ST3GAL3: variants seen among roughly 807,000 people sequenced by gnomAD.
ST3GAL3 encodes CMP-N-acetylneuraminate-beta-1,4-galactoside alpha-2,3-sialyltransferase.
In ST3GAL3, 21 loss-of-function variants were observed where a neutral mutation model predicts 50.1. That is an observed-to-expected ratio of 0.42 (90% CI 0.30 to 0.60). The LOEUF is 0.60. ST3GAL3 is among the 20% of genes least tolerant of loss of function. ST3GAL3 has a pLI of 0.19. For missense variants in ST3GAL3, 353 were observed against 489.4 expected (o/e 0.72, Z 2.63); for synonymous variants, 183 against 190.0 (o/e 0.96, Z 0.30).
intron 3 of ST3GAL3, among the ~76,000 whole-genome samples, chr1:43,804,696 C>A (rs909538280): frequency 6.6e-6 from 1 of 152,134 alleles, no homozygotes; most frequent in South Asian, 2.1e-4. Context: ...CAGTTAGTTG[C>A]GCCTAAGAAG....
intron 3 of ST3GAL3, among the ~76,000 whole-genome samples, chr1:43,803,606 T>C (rs1281640981): frequency 6.6e-6 from 1 of 152,256 alleles, no homozygotes; most frequent in Non-Finnish European, 1.5e-5. Flanking sequence ...ATTCACACTT[T>C]AATGCATGGG....
At chr1:43,864,693 T>C (rs1305053053) in intron 5 of ST3GAL3, among the ~76,000 whole-genome samples, 1 of 152,160 alleles carries the variant, frequency 6.6e-6, no homozygotes, top group Non-Finnish European at 1.5e-5. Context: ...GAGGTGGGAC[T>C]GAGGAAGGTA....
intron 3 of ST3GAL3, among the ~76,000 whole-genome samples, chr1:43,796,499 G>A (rs550101131): frequency 6.6e-6 from 1 of 152,194 alleles, no homozygotes; most frequent in Non-Finnish European, 1.5e-5. Context: ...CCAAGTCCCA[G>A]ACTGGATGCA....
intron 3 of ST3GAL3, 141 bp from the exon 4 acceptor site, chr1:43,814,750 A>G: frequency 2.4e-6 from 2 of 833,008 alleles, no homozygotes. Context: ...TGGTTTATGT[A>G]TTTAGTTACG....
In ST3GAL3 at chr1:43,920,399, C is replaced by T. The variant is rs779110025; in HGVS notation, c.745-5C>T. The T allele has an allele frequency of 6.2e-7, 1 of 1,614,130 alleles. No individual in the cohort carries two copies. ...CGTTGAGGCCCGCTTTTGCTGTGTC[C>T]ACAGAGTGCATCGGATGGCTTCTGG... is the stretch of plus-strand genomic sequence containing the variant. On this transcript the variant is annotated splice_region_variant and splice_polypyrimidine_tract_variant and intron_variant, in intron 9 of 11. Coordinates refer to ENST00000347631, the MANE Select transcript of ST3GAL3 (RefSeq NM_006279.5).
intron 2 of ST3GAL3, among the ~76,000 whole-genome samples, chr1:43,788,578 A>C (rs558973692): frequency 2.6e-5 from 4 of 152,352 alleles, no homozygotes; most frequent in African/African-American, 9.6e-5. Flanking sequence ...AACTGATGGG[A>C]GTCAATACCC....
chr1:43,870,725 C>T (rs573554091), intron 5 of ST3GAL3, among the ~76,000 whole-genome samples: 8 of 152,172 alleles, frequency 5.3e-5, no homozygotes, highest in African/African-American at 1.9e-4. Flanking sequence ...CCGGGAGAGC[C>T]TGTGATGGGA....
At chr1:43,882,453 T>G (rs191263522) in intron 5 of ST3GAL3, among the ~76,000 whole-genome samples, 4 of 152,286 alleles carry the variant, frequency 2.6e-5, no homozygotes. Flanking sequence ...TAATATCCCA[T>G]GTCAAATGAA....
chr1:43,729,815 A>C (rs999936925), intron 1 of ST3GAL3, among the ~76,000 whole-genome samples: 3 of 152,232 alleles, frequency 2.0e-5, no homozygotes, highest in African/African-American at 4.8e-5. Context: ...CCATTCACAT[A>C]AGACTTTTTG....
At chr1:43,885,684 AACACAC>A (rs977354472) in intron 5 of ST3GAL3, among the ~76,000 whole-genome samples, 1 of 152,076 alleles carries the variant, frequency 6.6e-6, no homozygotes, top group South Asian at 2.1e-4. Context: ...CTGCATAATT[AACACAC>A]ACACACCATC....
chr1:43,903,855 C>T (rs2078700756), intron 9 of ST3GAL3, among the ~76,000 whole-genome samples: 1 of 152,192 alleles, frequency 6.6e-6, no homozygotes. Context: ...CATCACCTAA[C>T]CTCCTTAGAT....
rs569695643 is a variant in ST3GAL3 at position 43,898,220 on chromosome 1, C to T, written c.398-15C>T. 3.7e-6 allele frequency: 6 copies of T among 1,613,702 alleles called. No individual in the cohort carries two copies. The East Asian group carries it at 8.9e-5, about 24-fold the overall frequency. On this transcript the variant is annotated splice_polypyrimidine_tract_variant and intron_variant, in intron 6 of 11. Coordinates refer to ENST00000347631, the MANE Select transcript of ST3GAL3 (RefSeq NM_006279.5). Reference sequence around the variant, plus strand: ...AAGTGACCCTGTAACAGAAACCTCTCTCCTCTGTCTGCAGACAATCTGATC... The same window carrying T: ...AAGTGACCCTGTAACAGAAACCTCTTTCCTCTGTCTGCAGACAATCTGATC...
At chr1:43,795,946 G>A (rs1274905838) in intron 3 of ST3GAL3, among the ~76,000 whole-genome samples, 1 of 152,124 alleles carries the variant, frequency 6.6e-6, no homozygotes, top group Admixed American at 6.5e-5. Context: ...GGACACCAAG[G>A]CACAAACAGC....
At chr1:43,862,208 C>T (rs1196181005) in intron 5 of ST3GAL3, among the ~76,000 whole-genome samples, 1 of 152,182 alleles carries the variant, frequency 6.6e-6, no homozygotes, top group African/African-American at 2.4e-5. Flanking sequence ...CATGCATGTG[C>T]TGTCTGGAGT....
rs1449461839 is a variant in ST3GAL3 at position 43,728,177 on chromosome 1, AC to A, written c.-30-8054del. On this transcript the variant is annotated intron_variant, in intron 1 of 11. Transcript: ENST00000347631. Reference sequence around the variant, plus strand: ...CTTAGGATGATGGCCTCCAGCAGCAACCATGTTGCTGCAAAGACCTGAATTC... The same window carrying A: ...CTTAGGATGATGGCCTCCAGCAGCAACATGTTGCTGCAAAGACCTGAATTC... 2.6e-5 allele frequency among the ~76,000 whole-genome samples: 4 copies of A among 152,292 alleles called. No homozygotes were observed. In the East Asian group the frequency reaches 7.7e-4, roughly 29 times the overall value.
intron 5 of ST3GAL3, among the ~76,000 whole-genome samples, chr1:43,877,160 T>C (rs570750084): frequency 6.6e-6 from 1 of 152,132 alleles, no homozygotes; most frequent in African/African-American, 2.4e-5. Flanking sequence ...GTCTCCAAAG[T>C]CAGGAACAAT....
chr1:43,864,148 G>T (rs529553437), intron 5 of ST3GAL3, among the ~76,000 whole-genome samples: 1 of 152,042 alleles, frequency 6.6e-6, no homozygotes, highest in African/African-American at 2.4e-5. Context: ...GCATGGTGGC[G>T]CATGCCTGTA....
intron 2 of ST3GAL3, among the ~76,000 whole-genome samples, chr1:43,741,903 C>T (rs559436957): frequency 1.1e-4 from 17 of 152,280 alleles, no homozygotes; most frequent in Admixed American, 2.6e-4. Context: ...GTGATGATTT[C>T]CCCTGAGCTG....
At chr1:43,761,578 A>G (rs1411085390) in intron 2 of ST3GAL3, among the ~76,000 whole-genome samples, 2 of 152,082 alleles carry the variant, frequency 1.3e-5, no homozygotes, top group South Asian at 2.1e-4. Context: ...CAGAAGTAAA[A>G]TGTTTTAATT....
Sources: allele counts gnomAD v4.1 joint callset (sites outside exome capture counted in the v4.1 genomes callset), GRCh38; gene constraint gnomAD v4.1.1; transcripts MANE v1.5; gene names NCBI Gene and HGNC (gene_info 2026-07-23, HGNC 2026-07-21).